Variants in PPP2R2B observed in about 807,000 individuals in gnomAD.
The protein encoded by PPP2R2B is protein phosphatase 2 regulatory subunit Bbeta.
A neutral mutation model predicts 46.0 loss-of-function variants in PPP2R2B; 5 were observed. The ratio of observed to expected loss-of-function variants is 0.11; its 90% CI spans 0.06 to 0.23. The LOEUF (loss-of-function observed/expected upper bound fraction) is 0.23. Among genes scored for constraint, PPP2R2B ranks in the 10% least tolerant of loss-of-function variants. The pLI, the probability that PPP2R2B is intolerant of heterozygous loss-of-function variation, is 1.00. For synonymous variants in PPP2R2B, 215 were observed against 206.7 expected, an observed-to-expected ratio of 1.04 and a Z score of -0.34; for missense variants, 367 against 575.0, an observed-to-expected ratio of 0.64 and a Z score of 3.70.
At chr5:146,792,161 T>C (rs1361396596) in intron 2 of PPP2R2B, among the ~76,000 whole-genome samples, 1 of 152,202 alleles carries the variant, frequency 6.6e-6, no homozygotes, top group African/African-American at 2.4e-5. Context: ...AGCTAGGCTC[T>C]AGATCAAGCC....
intron 4 of PPP2R2B, among the ~76,000 whole-genome samples, chr5:146,692,829 C>T (rs1001896767): frequency 8.5e-5 from 13 of 152,146 alleles, no homozygotes; most frequent in Admixed American, 2.0e-4. Context: ...CCACCACACC[C>T]GGCCTAATTC....
At chr5:146,843,593 T>G (rs1039680482) in intron 2 of PPP2R2B, among the ~76,000 whole-genome samples, 3 of 152,234 alleles carry the variant, frequency 2.0e-5, no homozygotes, top group African/African-American at 7.2e-5. Context: ...ATCATCTCAC[T>G]GTCTATTTTG....
chr5:146,957,208 C>G (rs576194322), intron 1 of PPP2R2B, among the ~76,000 whole-genome samples: 1 of 152,302 alleles, frequency 6.6e-6, no homozygotes, highest in South Asian at 2.1e-4. Flanking sequence ...ATACACTACC[C>G]AGGTGAGTCT....
chr5:146,849,306 T>C (rs1336908784), intron 2 of PPP2R2B, among the ~76,000 whole-genome samples: 1 of 152,200 alleles, frequency 6.6e-6, no homozygotes, highest in Non-Finnish European at 1.5e-5. Flanking sequence ...CTTGTGAATA[T>C]ATAAAGTTAA....
At chr5:147,021,632 G>T (rs916370608) in intron 1 of PPP2R2B, among the ~76,000 whole-genome samples, 2 of 152,170 alleles carry the variant, frequency 1.3e-5, no homozygotes, top group African/African-American at 4.8e-5. Context: ...GCCACAGGGT[G>T]ATAGCTAATC....
At chr5:146,825,017 C>A (rs1758488057) in intron 2 of PPP2R2B, among the ~76,000 whole-genome samples, 1 of 152,152 alleles carries the variant, frequency 6.6e-6, no homozygotes, top group South Asian at 2.1e-4. Flanking sequence ...AGCCACCGCA[C>A]CCAGCCAAAA....
At chr5:146,888,343 C>A (rs1385841748) in intron 1 of PPP2R2B, among the ~76,000 whole-genome samples, 1 of 152,106 alleles carries the variant, frequency 6.6e-6, no homozygotes, top group Non-Finnish European at 1.5e-5. Flanking sequence ...TTCCTTCATT[C>A]CACTCTCTCA....
chr5:146,693,511 G>A (rs1164162836), intron 4 of PPP2R2B, among the ~76,000 whole-genome samples: 1 of 152,038 alleles, frequency 6.6e-6, no homozygotes, highest in Non-Finnish European at 1.5e-5. Context: ...CACCACACCC[G>A]ACCACAACTA....
intron 9 of PPP2R2B, among the ~76,000 whole-genome samples, 172 bp from the exon 10 acceptor site, chr5:146,590,398 GTTTTTTT>G (rs1221281341): frequency 2.3e-4 from 26 of 113,422 alleles, no homozygotes; most frequent in African/African-American, 7.5e-4. Context: ...TTTTTTTTGT[GTTTTTTT>G]TTTTTTTTTT....
At chr5:146,913,232 A>T (rs544530029) in intron 1 of PPP2R2B, among the ~76,000 whole-genome samples, 26 of 152,312 alleles carry the variant, frequency 1.7e-4, no homozygotes, top group Admixed American at 5.2e-4. Flanking sequence ...TGTCCTTGTT[A>T]TTATTATTGC....
intron 2 of PPP2R2B, among the ~76,000 whole-genome samples, chr5:146,835,582 A>G (rs965348416): frequency 6.6e-6 from 1 of 152,196 alleles, no homozygotes; most frequent in South Asian, 2.1e-4. Context: ...AGAACACTGC[A>G]TAAAACCTTA....
chr5:146,759,839 T>C (rs1754052621), intron 2 of PPP2R2B, among the ~76,000 whole-genome samples: 1 of 152,098 alleles, frequency 6.6e-6, no homozygotes, highest in African/African-American at 2.4e-5. Context: ...TATTAATTTA[T>C]ATAAAAGAGC....
chr5:146,841,909 T>C (rs140241582), intron 2 of PPP2R2B, among the ~76,000 whole-genome samples: 1,753 of 152,296 alleles, frequency 0.012, 40 homozygotes, highest in African/African-American at 0.04. Context: ...TCTGCACATG[T>C]ATCCCAGAAT....
intron 2 of PPP2R2B, among the ~76,000 whole-genome samples, chr5:146,794,361 G>T (rs1323877358): frequency 6.6e-6 from 1 of 152,218 alleles, no homozygotes; most frequent in Non-Finnish European, 1.5e-5. Flanking sequence ...CTCATTAAAA[G>T]TGTGTGAGAA....
At chr5:146,892,430 TGTCCA>T (rs1762517553) in intron 1 of PPP2R2B, among the ~76,000 whole-genome samples, 1 of 152,234 alleles carries the variant, frequency 6.6e-6, no homozygotes, top group South Asian at 2.1e-4. Context: ...TCTTGCTAAG[TGTCCA>T]GTGCCTGATT....
chr5:146,702,518 C>G (rs1274088334), intron 2 of PPP2R2B, among the ~76,000 whole-genome samples: 1 of 152,210 alleles, frequency 6.6e-6, no homozygotes, highest in Middle Eastern at 3.2e-3. Context: ...ATGTATGTCT[C>G]CTTTAAAGGG....
intron 7 of PPP2R2B, among the ~76,000 whole-genome samples, chr5:146,618,674 G>A (rs1773420194): frequency 6.6e-6 from 1 of 152,144 alleles, no homozygotes; most frequent in African/African-American, 2.4e-5. Flanking sequence ...GGCCAGAGCG[G>A]GCTGCTTCTG....
intron 1 of PPP2R2B, among the ~76,000 whole-genome samples, chr5:146,928,787 G>T (rs1305594563): frequency 6.6e-6 from 1 of 152,078 alleles, no homozygotes; most frequent in East Asian, 1.9e-4. Flanking sequence ...AAAACATTCT[G>T]GTGGCTTCCC....
At chr5:146,591,850 T>C (rs1039037207) in intron 9 of PPP2R2B, among the ~76,000 whole-genome samples, 1 of 152,184 alleles carries the variant, frequency 6.6e-6, no homozygotes, top group Admixed American at 6.5e-5. Context: ...TAAGCCTCAG[T>C]TTCCTTAACT....
Sources: allele counts gnomAD v4.1 joint callset (sites outside exome capture counted in the v4.1 genomes callset), GRCh38; gene constraint gnomAD v4.1.1; transcripts MANE v1.5; gene names NCBI Gene and HGNC (gene_info 2026-07-23, HGNC 2026-07-21).